NMT2: variants seen among roughly 807,000 people sequenced by gnomAD.
NMT2 encodes the protein glycylpeptide N-tetradecanoyltransferase 2.
Under a neutral mutation model 65.4 loss-of-function variants are expected in NMT2, and 35 were observed. That is an observed-to-expected ratio of 0.54 (90% CI 0.41 to 0.71). NMT2 has a LOEUF of 0.71. Among genes scored for constraint, NMT2 ranks in the 30% least tolerant of loss-of-function variants. The probability of loss-of-function intolerance (pLI) is 0.00; values close to 1 mark genes in which losing one functional copy is unlikely to be tolerated. For missense variants in NMT2, 489 were observed against 611.3 expected, an observed-to-expected ratio of 0.80 and a Z score of 2.11; for synonymous variants, 226 against 231.8, an observed-to-expected ratio of 0.98 and a Z score of 0.23.
intron 2 of NMT2, among the ~76,000 whole-genome samples, chr10:15,137,971 C>A (rs1352400622): frequency 6.6e-6 from 1 of 150,744 alleles, no homozygotes; most frequent in Non-Finnish European, 1.5e-5. Context: ...TCCCAATGTT[C>A]ACTATTTAAA....
chr10:15,141,147 T>A, intron 2 of NMT2: 1 of 967,424 alleles, frequency 1.0e-6, no homozygotes, highest in South Asian at 1.5e-5. Flanking sequence ...ACACTGAGAC[T>A]TTCTTCTAGA....
chr10:15,147,055 T>A (rs1846987329), intron 1 of NMT2, among the ~76,000 whole-genome samples: 1 of 119,138 alleles, frequency 8.4e-6, no homozygotes, highest in Admixed American at 1.2e-4. Context: ...TTTGCACCAC[T>A]CCATTCCAGC....
At chr10:15,120,044 T>G (rs1845874637) in intron 8 of NMT2, among the ~76,000 whole-genome samples, 1 of 152,240 alleles carries the variant, frequency 6.6e-6, no homozygotes, top group Non-Finnish European at 1.5e-5. Context: ...GATCGTTGCA[T>G]CTGTGCTGAT....
intron 9 of NMT2, among the ~76,000 whole-genome samples, chr10:15,118,107 T>C (rs1845803097): frequency 6.6e-6 from 1 of 152,256 alleles, no homozygotes; most frequent in Non-Finnish European, 1.5e-5. Context: ...CTCTACCTGA[T>C]ACTAAGGCTT....
In NMT2 at chr10:15,107,607, A is replaced by G. The variant is rs145398519; in HGVS notation, c.*1588T>C. The G allele has an allele frequency of 6.1e-3, 2,554 of 421,984 alleles. 55 individuals are homozygous for G. The highest frequency in any genetic ancestry group is 0.047 in the African/African-American group (2,161 of 46,234). The allele number at this position is 421,984 out of a possible 1,614,324, so 26.1% of individuals were successfully genotyped here. ...GCTGGGATTACAGGCACCCGCCACC[A>G]CACCCAGCTAGTTCTTTTTGAATTT... On this transcript the variant is annotated 3_prime_UTR_variant, in exon 12 of 12. Coordinates refer to ENST00000378165, the MANE Select transcript of NMT2 (RefSeq NM_004808.3).
chr10:15,118,311 G>T (rs1431936975), intron 9 of NMT2, among the ~76,000 whole-genome samples: 8 of 152,214 alleles, frequency 5.3e-5, no homozygotes, highest in African/African-American at 1.9e-4. Context: ...GCCAAGGCAG[G>T]TGAATCACCT....
intron 8 of NMT2, among the ~76,000 whole-genome samples, chr10:15,120,458 A>G (rs1845891723): frequency 6.6e-6 from 1 of 152,188 alleles, no homozygotes; most frequent in East Asian, 1.9e-4. Flanking sequence ...ACTTCGTCTC[A>G]AAAATAAATA....
At chr10:15,158,359 C>G (rs1833073148) in intron 1 of NMT2, among the ~76,000 whole-genome samples, 1 of 150,970 alleles carries the variant, frequency 6.6e-6, no homozygotes. Context: ...GCCAAGAGGT[C>G]AAAAAATTAG....
intron 10 of NMT2, among the ~76,000 whole-genome samples, chr10:15,112,206 ATATATATATATTTTTTTTTTTT>A (rs1845568257): frequency 5.8e-5 from 1 of 17,372 alleles, no homozygotes; most frequent in African/African-American, 3.4e-4. Flanking sequence ...ATATATATAT[ATATATATATATTTTTTTTTTTT>A]TTTTTTTTTT....
intron 1 of NMT2, among the ~76,000 whole-genome samples, chr10:15,148,804 A>G (rs1247305443): frequency 6.7e-6 from 1 of 150,322 alleles, no homozygotes; most frequent in Non-Finnish European, 1.5e-5. Flanking sequence ...AATCAATAAA[A>G]AAAAATTAAG....
chr10:15,144,011 TA>T (rs1589340593), intron 1 of NMT2, among the ~76,000 whole-genome samples: 2 of 152,138 alleles, frequency 1.3e-5, no homozygotes, highest in African/African-American at 2.4e-5. Flanking sequence ...ACTTATTCTA[TA>T]ACTTACAATG....
At chr10:15,147,052 C>T (rs1034551544) in intron 1 of NMT2, among the ~76,000 whole-genome samples, 33 of 132,202 alleles carry the variant, frequency 2.5e-4, no homozygotes, top group African/African-American at 8.3e-4. Context: ...ATGTTTGCAC[C>T]ACTCCATTCC....
intron 8 of NMT2, among the ~76,000 whole-genome samples, chr10:15,119,958 G>T (rs1434698217): frequency 1.3e-5 from 2 of 152,148 alleles, no homozygotes; most frequent in African/African-American, 4.8e-5. Context: ...AGTACAGGCA[G>T]CCCTCCGTAT....
At chr10:15,166,303 A>C (rs1264390754) in intron 1 of NMT2, among the ~76,000 whole-genome samples, 1 of 152,224 alleles carries the variant, frequency 6.6e-6, no homozygotes, top group Non-Finnish European at 1.5e-5. Context: ...TCAAATTGAC[A>C]AACTGCCTTT....
chr10:15,122,937 A>C (rs1175812618), intron 8 of NMT2, among the ~76,000 whole-genome samples: 2 of 152,156 alleles, frequency 1.3e-5, no homozygotes, highest in Non-Finnish European at 2.9e-5. Flanking sequence ...AATAGTTAAA[A>C]AAAAAAAATG....
intron 7 of NMT2, among the ~76,000 whole-genome samples, chr10:15,129,772 G>C (rs927128483): frequency 2.0e-5 from 3 of 152,080 alleles, no homozygotes; most frequent in Admixed American, 6.6e-5. Context: ...AGCTGTGTGT[G>C]GTGGCACATG....
At chr10:15,131,721 T>G (rs1846293023) in intron 6 of NMT2, among the ~76,000 whole-genome samples, 1 of 152,206 alleles carries the variant, frequency 6.6e-6, no homozygotes, top group Admixed American at 6.5e-5. Flanking sequence ...TAAGCTAACC[T>G]AATACACTGA....
At chr10:15,150,584 G>A (rs1281511537) in intron 1 of NMT2, among the ~76,000 whole-genome samples, 1 of 152,064 alleles carries the variant, frequency 6.6e-6, no homozygotes, top group Non-Finnish European at 1.5e-5. Flanking sequence ...TATCTACAAA[G>A]CAACATCGTC....
intron 11 of NMT2, 56 bp from the exon 12 acceptor site, chr10:15,109,271 A>G (rs1289609556): frequency 6.3e-7 from 1 of 1,584,352 alleles, no homozygotes; most frequent in Non-Finnish European, 8.6e-7. Context: ...ATGTAGTACA[A>G]TAGATCTGTC....
Sources: allele counts gnomAD v4.1 joint callset (sites outside exome capture counted in the v4.1 genomes callset), GRCh38; gene constraint gnomAD v4.1.1; transcripts MANE v1.5; gene names NCBI Gene and HGNC (gene_info 2026-07-23, HGNC 2026-07-21).